B4GALT4: variants seen among roughly 807,000 people sequenced by gnomAD.
The protein encoded by B4GALT4 is beta-1,4-galactosyltransferase 4.
B4GALT4 carries 27 observed loss-of-function variants against 37.3 expected under a neutral mutation model. The ratio of observed to expected loss-of-function variants is 0.72; its 90% CI spans 0.53 to 1.00. The LOEUF is 1.00. Among genes scored for constraint, B4GALT4 ranks in the 50% least tolerant of loss-of-function variants. The probability of loss-of-function intolerance (pLI) is 0.00; values close to 1 mark genes in which losing one functional copy is unlikely to be tolerated. For missense variants in B4GALT4, 372 were observed against 413.1 expected (o/e 0.90, Z 0.86); for synonymous variants, 148 against 154.1 (o/e 0.96, Z 0.29).
intron 1 of B4GALT4, among the ~76,000 whole-genome samples, chr3:119,237,292 CTCTGAGATCA>C (rs1396289548): frequency 6.6e-6 from 1 of 152,042 alleles, no homozygotes; most frequent in Non-Finnish European, 1.5e-5. Context: ...GTTTAAAAAG[CTCTGAGATCA>C]TGGGTATAAC....
chr3:119,224,484 ACTT>A (rs1254108069), intron 4 of B4GALT4, among the ~76,000 whole-genome samples: 1 of 152,178 alleles, frequency 6.6e-6, no homozygotes, highest in East Asian at 1.9e-4. Flanking sequence ...AAATCCAAAG[ACTT>A]GTTGTTTAAT....
At chr3:119,218,413 A>G (rs1296043727) in intron 6 of B4GALT4, among the ~76,000 whole-genome samples, 2 of 152,152 alleles carry the variant, frequency 1.3e-5, no homozygotes, top group African/African-American at 4.8e-5. Flanking sequence ...CGACAAGTAC[A>G]TGAGGCCTCC....
intron 5 of B4GALT4, among the ~76,000 whole-genome samples, chr3:119,222,636 G>T (rs1022298409): frequency 1.3e-5 from 2 of 152,200 alleles, no homozygotes; most frequent in African/African-American, 4.8e-5. Flanking sequence ...CTCCTGCTTA[G>T]CCTCAGTTCT....
Position 119,212,633 on chromosome 3 carries a change from C to T in B4GALT4, c.951G>A (p.Leu317=). The change falls in exon 8 of 8, where the codon TTG becomes TTA. Residue 317 remains leucine, a synonymous_variant. Coordinates refer to ENST00000393765, the MANE Select transcript of B4GALT4 (RefSeq NM_003778.4). ...QVSRVWRTDG[L]SSCSYKLVSV... ...ATACTAATTTATAAGAACAACTACT[C>T]AACCCATCTGTTCTCCAGACTCGTG... The T allele has an allele frequency of 1.2e-6, 2 of 1,612,808 alleles. No individual in the cohort carries two copies. Among genetic ancestry groups the T allele is most frequent in the East Asian group, 4.5e-5 (2 of 44,860 alleles).
chr3:119,227,083 CAA>C, intron 3 of B4GALT4, 42 bp from the exon 4 acceptor site: 1 of 1,572,984 alleles, frequency 6.4e-7, no homozygotes, highest in Non-Finnish European at 8.7e-7. Context: ...GTAGCTACTT[CAA>C]AAAGTGTTGA....
intron 1 of B4GALT4, chr3:119,240,071 A>T (rs73187823): frequency 0.11 from 16,936 of 151,196 alleles, 1,012 homozygotes; most frequent in African/African-American, 0.14. Flanking sequence ...TTTCATCACC[A>T]AACGGCTGAG....
At chr3:119,218,546 A>G (rs955728650) in intron 6 of B4GALT4, 104 bp downstream of exon 6, 15 of 1,511,164 alleles carry the variant, frequency 9.9e-6, no homozygotes, top group Non-Finnish European at 1.4e-5. Context: ...TCTGCAGCCT[A>G]GTGACCTGCT....
intron 6 of B4GALT4, among the ~76,000 whole-genome samples, chr3:119,217,853 A>T: frequency 6.6e-6 from 1 of 152,024 alleles, no homozygotes; most frequent in Non-Finnish European, 1.5e-5. Flanking sequence ...AAAAAAAAAA[A>T]AAAAAAAAAA....
At chr3:119,228,493 T>C (rs949151696) in intron 3 of B4GALT4, among the ~76,000 whole-genome samples, 22 of 152,224 alleles carry the variant, frequency 1.4e-4, no homozygotes, top group African/African-American at 4.6e-4. Context: ...TGTTTAAATA[T>C]ACTGTGAGCA....
At chr3:119,231,375 G>A (rs1002807337) in intron 2 of B4GALT4, among the ~76,000 whole-genome samples, 2 of 152,110 alleles carry the variant, frequency 1.3e-5, no homozygotes, top group African/African-American at 4.8e-5. Flanking sequence ...GACAAATCAC[G>A]TCTCTCCTCA....
chr3:119,228,767 A>T (rs1389903337), intron 3 of B4GALT4, among the ~76,000 whole-genome samples: 1 of 132,112 alleles, frequency 7.6e-6, no homozygotes, highest in Non-Finnish European at 1.7e-5. Context: ...CTGGGAAGTA[A>T]CTAGGTTTAG....
chr3:119,218,939 G>A (rs967440351), intron 5 of B4GALT4, among the ~76,000 whole-genome samples, 167 bp from the exon 6 acceptor site: 7 of 152,050 alleles, frequency 4.6e-5, no homozygotes, highest in Middle Eastern at 3.4e-3. Context: ...TCCCTGTCTT[G>A]TCTTCTTTCC....
Position 119,212,435 on chromosome 3 carries a change from G to T in B4GALT4, c.*114C>A. ...AGAAAATACAAAAAGGAAAAATTCA[G>T]CTCAACAATGAGCTGTAACAGGTTC... is the stretch of plus-strand genomic sequence containing the variant. On this transcript the variant is annotated 3_prime_UTR_variant, in exon 8 of 8. Transcript: ENST00000393765. The T allele has an allele frequency of 9.1e-7, 1 of 1,101,924 alleles. No individual in the cohort carries two copies. The highest frequency in any genetic ancestry group is 1.3e-6 in the Non-Finnish European group (1 of 771,880). 68.3% of individuals were successfully genotyped at this position (1,101,924 alleles called of 1,614,324 possible). A position where few individuals can be genotyped will look rare whatever the true frequency, so the allele number is the denominator to read the frequency against.
chr3:119,216,409 G>T, intron 6 of B4GALT4, 65 bp from the exon 7 acceptor site: 4 of 1,276,190 alleles, frequency 3.1e-6, no homozygotes, highest in East Asian at 2.4e-5. Flanking sequence ...CAAATAAAAA[G>T]CATCATTTGC....
chr3:119,226,827 G>C lies in B4GALT4; in HGVS notation c.468C>G (p.Gly156=), dbSNP rs1396386604. The change falls in exon 4 of 8, where the codon GGC becomes GGG. Residue 156 remains glycine, a synonymous_variant. Transcript: ENST00000393765. The part of the protein sequence containing the change: ...PFLQRQQLDY[G]IYVIHQAEGK... ...CGCTCACCTGGTGGATGACGTAGATGCCATAATCCAGCTGCTGCCTCTGCA... is the reference window on the plus strand; with the variant it reads ...CGCTCACCTGGTGGATGACGTAGATCCCATAATCCAGCTGCTGCCTCTGCA... 6.2e-7 allele frequency: 1 copy of C among 1,613,582 alleles called. No homozygotes were observed. The highest frequency in any genetic ancestry group is 1.3e-5 in the African/African-American group (1 of 74,900).
At position 119,216,123 on chromosome 3, in the gene B4GALT4, T is replaced by G. The variant is rs2078282797; in HGVS notation, c.902+117A>C. 5.1e-6 allele frequency: 4 copies of G among 778,888 alleles called. No homozygotes were observed. The Admixed American group carries it at 1.2e-4, about 22-fold the overall frequency. 48.2% of individuals were successfully genotyped at this position (778,888 alleles called of 1,614,324 possible). On this transcript the variant is annotated intron_variant, in intron 7 of 7. Transcript: ENST00000393765. Reference sequence around the variant, plus strand: ...CTTTTGTGTCTGTTTGAAAATTTGCTTAATAAAAATCTTTTAACACAATGA... The same window carrying G: ...CTTTTGTGTCTGTTTGAAAATTTGCGTAATAAAAATCTTTTAACACAATGA...
chr3:119,222,149 G>A (rs2078468494), intron 5 of B4GALT4, among the ~76,000 whole-genome samples: 1 of 152,284 alleles, frequency 6.6e-6, no homozygotes, highest in East Asian at 1.9e-4. Flanking sequence ...AAAAAAATCT[G>A]GGCAATGGGA....
In B4GALT4 at chr3:119,212,667, TG is replaced by T. The variant is rs1184081391; in HGVS notation, c.916del (p.His306ThrfsTer12). On this transcript the variant is annotated frameshift_variant, in exon 8 of 8. Coordinates refer to ENST00000393765, the MANE Select transcript of B4GALT4 (RefSeq NM_003778.4). LOFTEE classifies it high-confidence loss of function. Reference sequence around the variant, plus strand: ...TGTTCTCCAGACTCGTGACACTTGGTGTAAGAGCTTCATCCTAAAGATAAAA... The same window carrying T: ...TGTTCTCCAGACTCGTGACACTTGGTTAAGAGCTTCATCCTAAAGATAAAA... ...EVNAERMKLL[H>X]QVSRVWRTDG... is the part of the protein sequence containing the mutation. The T allele has an allele frequency of 3.1e-6, 5 of 1,600,094 alleles. No homozygotes were observed. Among genetic ancestry groups the T allele is most frequent in the Middle Eastern group, 1.7e-4 (1 of 6,014 alleles).
chr3:119,212,043 T>C lies in B4GALT4; in HGVS notation c.*506A>G. ...CACTGTGTCCTGATTCGTCGCCTTT[T>C]CTCCCCTCTTTTGTGGACGCCTTCT... On this transcript the variant is annotated 3_prime_UTR_variant, in exon 8 of 8. Coordinates refer to ENST00000393765, the MANE Select transcript of B4GALT4 (RefSeq NM_003778.4). 1.5e-6 allele frequency: 1 copy of C among 664,880 alleles called. No individual in the cohort carries two copies. Among genetic ancestry groups the C allele is most frequent in the Middle Eastern group, 2.4e-4 (1 of 4,154 alleles). 41.2% of individuals were successfully genotyped at this position (664,880 alleles called of 1,614,324 possible). A position where few individuals can be genotyped will look rare whatever the true frequency, so the allele number is the denominator to read the frequency against.
Sources: allele counts gnomAD v4.1 joint callset (sites outside exome capture counted in the v4.1 genomes callset), GRCh38; gene constraint gnomAD v4.1.1; transcripts MANE v1.5; gene names NCBI Gene and HGNC (gene_info 2026-07-23, HGNC 2026-07-21).